The following GRIK1 variants were observed in gnomAD, a reference collection of about 807,000 sequenced individuals.
GRIK1 encodes glutamate receptor ionotropic, kainate 1.
A neutral mutation model predicts 105.7 loss-of-function variants in GRIK1; 69 were observed. That is an observed-to-expected ratio of 0.65 (90% CI 0.54 to 0.80). The LOEUF (loss-of-function observed/expected upper bound fraction) is 0.80, where lower values mean the gene tolerates loss of function less well. GRIK1 is among the 30% of genes least tolerant of loss of function. The pLI is 0.00. For missense variants in GRIK1, 1,109 were observed against 1,167.3 expected (o/e 0.95, Z 0.73); for synonymous variants, 438 against 431.3 (o/e 1.02, Z -0.19).
intron 14 of GRIK1, among the ~76,000 whole-genome samples, chr21:29,571,363 AAG>A (rs2090745000): frequency 6.6e-6 from 1 of 152,108 alleles, no homozygotes. Context: ...TTAAAAAAAA[AAG>A]AAAAAAAAAA....
chr21:29,848,779 A>ATATATATATTT, intron 1 of GRIK1, among the ~76,000 whole-genome samples: 43 of 77,868 alleles, frequency 5.5e-4, no homozygotes, highest in Middle Eastern at 0.013. Flanking sequence ...ATATATATAT[A>ATATATATATTT]TTTTTTTTTT....
At chr21:29,721,807 G>A (rs1440132674) in intron 1 of GRIK1, among the ~76,000 whole-genome samples, 2 of 151,980 alleles carry the variant, frequency 1.3e-5, no homozygotes, top group Non-Finnish European at 2.9e-5. Flanking sequence ...TCTTGGTTTG[G>A]TGCCCCTTCC....
intron 1 of GRIK1, among the ~76,000 whole-genome samples, chr21:29,744,724 A>G (rs1302632880): frequency 1.3e-5 from 2 of 152,216 alleles, no homozygotes; most frequent in African/African-American, 2.4e-5. Context: ...ATGTACTCCT[A>G]TAGTCCTTGG....
chr21:29,597,581 T>C (rs363431), intron 8 of GRIK1: 192,764 of 433,778 alleles, frequency 0.44, 48,931 homozygotes, highest in African/African-American at 0.84. Flanking sequence ...CAACATCCCA[T>C]GCACCATCGT....
chr21:29,833,468 G>C (rs562571583), intron 1 of GRIK1, among the ~76,000 whole-genome samples: 5 of 152,256 alleles, frequency 3.3e-5, no homozygotes, highest in Middle Eastern at 6.8e-3. Context: ...CTGACTCACA[G>C]TTTTGCATGC....
intron 14 of GRIK1, among the ~76,000 whole-genome samples, chr21:29,568,015 T>G (rs915814952): frequency 1.2e-4 from 18 of 152,178 alleles, no homozygotes. Flanking sequence ...TTTAAAAAAT[T>G]TATGGATTCC....
intron 1 of GRIK1, among the ~76,000 whole-genome samples, chr21:29,719,576 A>G (rs1303714143): frequency 6.6e-6 from 1 of 152,096 alleles, no homozygotes; most frequent in African/African-American, 2.4e-5. Flanking sequence ...GAAAGAAGAA[A>G]GAAACATGGG....
At chr21:29,669,135 C>T (rs2063116720) in intron 4 of GRIK1, among the ~76,000 whole-genome samples, 1 of 152,172 alleles carries the variant, frequency 6.6e-6, no homozygotes, top group Non-Finnish European at 1.5e-5. Context: ...AGATTTTCAT[C>T]ATATAGTACT....
At position 29,652,039 on chromosome 21, in the gene GRIK1, G is replaced by A. The variant is rs111765543; in HGVS notation, c.781-748C>T. ...ATAAGTCAAGAGGAGGAATTTGGCT[G>A]CTGATAATTAGTATGTCCTTGGGCA... On this transcript the variant is annotated intron_variant, in intron 5 of 17. Transcript: ENST00000327783. 4.4e-3 allele frequency among the ~76,000 whole-genome samples: 674 copies of A among 152,278 alleles called. 6 individuals carry two copies. The highest frequency in any genetic ancestry group is 0.015 in the African/African-American group (643 of 41,552).
At chr21:29,632,474 C>G (rs2154487) in intron 7 of GRIK1, among the ~76,000 whole-genome samples, 78,991 of 151,738 alleles carry the variant, frequency 0.52, 23,286 homozygotes, top group African/African-American at 0.82. Context: ...GAGATAATTG[C>G]GAAAGCACAC....
At chr21:29,639,276 G>A (rs1376693714) in intron 7 of GRIK1, among the ~76,000 whole-genome samples, 1 of 152,132 alleles carries the variant, frequency 6.6e-6, no homozygotes, top group Admixed American at 6.5e-5. Flanking sequence ...TATTTATTGG[G>A]TGCTTATTCT....
chr21:29,882,860 G>C (rs1011254884), intron 1 of GRIK1, among the ~76,000 whole-genome samples: 5 of 151,960 alleles, frequency 3.3e-5, no homozygotes, highest in African/African-American at 1.2e-4. Flanking sequence ...TATCTACCAC[G>C]ATCTATACAG....
At chr21:29,619,671 A>G (rs2061942277) in intron 7 of GRIK1, among the ~76,000 whole-genome samples, 1 of 152,226 alleles carries the variant, frequency 6.6e-6, no homozygotes, top group South Asian at 2.1e-4. Flanking sequence ...GGACCTAAGA[A>G]AAGGAAAAAC....
intron 1 of GRIK1, among the ~76,000 whole-genome samples, chr21:29,818,096 A>G (rs1209432125): frequency 1.3e-5 from 2 of 152,090 alleles, no homozygotes; most frequent in Non-Finnish European, 2.9e-5. Flanking sequence ...GGTGTACTGC[A>G]TTCTAAGGAT....
intron 1 of GRIK1, among the ~76,000 whole-genome samples, chr21:29,711,903 CTT>C (rs1326624917): frequency 4.0e-5 from 6 of 149,362 alleles, no homozygotes; most frequent in South Asian, 2.1e-4. Context: ...AAAAAGAAAA[CTT>C]GTGAAATTTT....
intron 5 of GRIK1, 151 bp from the exon 6 acceptor site, chr21:29,651,442 C>T: frequency 1.7e-6 from 1 of 573,654 alleles, no homozygotes; most frequent in Non-Finnish European, 3.0e-6. Context: ...TGCGGTCAAC[C>T]ACAGTTGGAA....
chr21:29,693,194 A>C (rs2063618979), intron 2 of GRIK1, among the ~76,000 whole-genome samples: 1 of 152,204 alleles, frequency 6.6e-6, no homozygotes, highest in African/African-American at 2.4e-5. Flanking sequence ...CCCTGTTAGA[A>C]GCCAACCCTC....
intron 1 of GRIK1, among the ~76,000 whole-genome samples, chr21:29,815,097 T>C (rs573917030): frequency 1.3e-5 from 2 of 152,320 alleles, no homozygotes; most frequent in South Asian, 4.1e-4. Context: ...TTCTGGCTTA[T>C]CTACTCTTAA....
At chr21:29,670,230 C>T (rs1489428205) in intron 4 of GRIK1, among the ~76,000 whole-genome samples, 2 of 152,150 alleles carry the variant, frequency 1.3e-5, no homozygotes, top group African/African-American at 2.4e-5. Flanking sequence ...GCCTCACAGC[C>T]ACTCTTAACA....
Sources: gnomAD v4.1 joint callset for allele counts (sites outside exome capture counted in the v4.1 genomes callset) on GRCh38, gnomAD v4.1.1 for gene constraint, MANE v1.5 for transcripts, NCBI Gene and HGNC (gene_info 2026-07-23, HGNC 2026-07-21) for gene names.